The following ABRAXAS1 variants were observed in gnomAD, a reference collection of about 807,000 sequenced individuals.
ABRAXAS1 encodes BRCA1-A complex subunit Abraxas 1.
A neutral mutation model predicts 38.4 loss-of-function variants in ABRAXAS1; 26 were observed. The ratio of observed to expected loss-of-function variants is 0.68; its 90% confidence interval spans 0.50 to 0.94. The LOEUF (loss-of-function observed/expected upper bound fraction) is 0.94. ABRAXAS1 is among the 40% of genes least tolerant of loss of function. The probability of loss-of-function intolerance (pLI) is 0.00; values close to 1 mark genes in which losing one functional copy is unlikely to be tolerated. For missense variants in ABRAXAS1, 438 were observed against 481.9 expected (o/e 0.91, Z 0.85); for synonymous variants, 144 against 165.5 (o/e 0.87, Z 1.00).
chr4:83,484,853 A>T, intron 1 of ABRAXAS1, 133 bp downstream of exon 1: 5 of 673,910 alleles, frequency 7.4e-6, no homozygotes, highest in Non-Finnish European at 1.2e-5. Flanking sequence ...GAGAGAAGGC[A>T]GAGCCGCGAC....
Position 83,468,759 on chromosome 4 carries a change from C to G in ABRAXAS1, c.596+273G>C, listed in dbSNP as rs146996601. Among the ~76,000 whole-genome samples, 300 of 152,152 alleles carry G rather than the reference C, an allele frequency of 2.0e-3. 3 individuals are homozygous for G. Among genetic ancestry groups the G allele is most frequent in the Middle Eastern group, 0.014 (4 of 294 alleles). ...TTTGCTGTGTTGCCCAGGCTAGTCT[C>G]CAACTCCTCAGCTCAAGTGATCCTC... On this transcript the variant is annotated intron_variant, in intron 6 of 8. Transcript: ENST00000321945.
At chr4:83,480,195 C>T (rs1247313467) in intron 2 of ABRAXAS1, 7 of 239,330 alleles carry the variant, frequency 2.9e-5, no homozygotes, top group Non-Finnish European at 6.0e-5. Context: ...ATGGTGAAAC[C>T]CCATCTCTAC....
chr4:83,484,937 C>T (rs1194681520), intron 1 of ABRAXAS1, 49 bp downstream of exon 1: 1 of 1,474,812 alleles, frequency 6.8e-7, no homozygotes, highest in Non-Finnish European at 9.2e-7. Context: ...AGGCCGCGCG[C>T]AGGGCTCTTC....
chr4:83,479,130 T>C (rs1408881103), intron 2 of ABRAXAS1: 1 of 152,188 alleles, frequency 6.6e-6, no homozygotes, highest in Non-Finnish European at 1.5e-5. Context: ...GGGCCGGGCA[T>C]GGTGACTCAC....
chr4:83,472,769 G>A (rs986017190), intron 3 of ABRAXAS1, among the ~76,000 whole-genome samples: 2 of 152,192 alleles, frequency 1.3e-5, no homozygotes, highest in African/African-American at 4.8e-5. Flanking sequence ...TGGGGTGGGG[G>A]AAGGGAATAG....
chr4:83,484,724 A>C, intron 1 of ABRAXAS1: 7 of 335,162 alleles, frequency 2.1e-5, no homozygotes, highest in Non-Finnish European at 2.2e-5. Context: ...GCGCCGAGGA[A>C]AGATGGGAGC....
Position 83,462,842 on chromosome 4 carries a change from G to C in ABRAXAS1, c.857C>G (p.Thr286Ser), listed in dbSNP as rs1185342056. 1.2e-6 allele frequency: 2 copies of C among 1,610,296 alleles called. No homozygotes were observed. ...AAGAAATTCAGAATTTGGAAAAAAGGTCCGTAATGCCTGACAAAGAAAAAT... is the reference window on the plus strand; with the variant it reads ...AAGAAATTCAGAATTTGGAAAAAAGCTCCGTAATGCCTGACAAAGAAAAAT... ...ENIFLCQALR[T>S]FFPNSEFLHS... Residue 286 changes from threonine (T) to serine (S), a missense_variant, in exon 9 of 9, where the codon ACC becomes AGC. Around this residue, in one of 3 missense-constraint regions of ABRAXAS1, gnomAD observed 184 missense variants for 181.9 expected, o/e 1.01. Coordinates refer to ENST00000321945, the MANE Select transcript of ABRAXAS1 (RefSeq NM_139076.3).
Position 83,472,273 on chromosome 4 carries a change from T to A in ABRAXAS1, c.231A>T (p.Ser77=). The change falls in exon 4 of 9, where the codon TCA becomes TCT. Residue 77 remains serine, a synonymous_variant. Coordinates refer to ENST00000321945, the MANE Select transcript of ABRAXAS1 (RefSeq NM_139076.3). The stretch of plus-strand genomic sequence containing the variant: ...TCAGTGCTTGCTCATTTACTTCGCC[T>A]GAAGAATTATAAAAGCTGTAAAAGC... ...CYQLFSFYNS[S]GEVNEQALKK... is the part of the protein sequence containing the mutation. The A allele has an allele frequency of 6.6e-7, 1 of 1,520,480 alleles. No homozygotes were observed. The highest frequency in any genetic ancestry group is 8.8e-7 in the Non-Finnish European group (1 of 1,133,458). 94.2% of individuals were successfully genotyped at this position (1,520,480 alleles called of 1,614,324 possible).
chr4:83,477,562 G>T, intron 2 of ABRAXAS1: 2 of 479,972 alleles, frequency 4.2e-6, no homozygotes, highest in South Asian at 3.3e-5. Context: ...TGTCTCGTCT[G>T]AACTGGAAAC....
chr4:83,472,246 C>T lies in ABRAXAS1; in HGVS notation c.258G>A (p.Lys86=). 6.5e-7 allele frequency: 1 copy of T among 1,531,148 alleles called. No homozygotes were observed. Among genetic ancestry groups the T allele is most frequent in the South Asian group, 1.3e-5 (1 of 78,062 alleles). The allele number at this position is 1,531,148 out of a possible 1,614,324, so 94.8% of individuals were successfully genotyped here. ...CCTTTTTGACATTTGATAATATTTTCTTCAGTGCTTGCTCATTTACTTCGC... is the reference window on the plus strand; with the variant it reads ...CCTTTTTGACATTTGATAATATTTTTTTCAGTGCTTGCTCATTTACTTCGC... ...SSGEVNEQAL[K]KILSNVKKNV... is the part of the protein sequence containing the mutation. Residue 86 remains lysine, a synonymous_variant, in exon 4 of 9, where the codon AAG becomes AAA. Coordinates refer to ENST00000321945, the MANE Select transcript of ABRAXAS1 (RefSeq NM_139076.3).
In ABRAXAS1 at chr4:83,461,299, T is replaced by C; in HGVS notation, c.*1170A>G. On this transcript the variant is annotated 3_prime_UTR_variant, in exon 9 of 9. Coordinates refer to ENST00000321945, the MANE Select transcript of ABRAXAS1 (RefSeq NM_139076.3). ...TTTGGATAGAAAAGTGTTTGAGGAGTGAGGTAAAGAATGACACTTCCCCTT... is the reference window on the plus strand; with the variant it reads ...TTTGGATAGAAAAGTGTTTGAGGAGCGAGGTAAAGAATGACACTTCCCCTT... The C allele has an allele frequency of 1.8e-5, 18 of 977,628 alleles. No homozygotes were observed. The South Asian group carries it at 2.3e-4, about 12-fold the overall frequency. The allele number at this position is 977,628 out of a possible 1,614,324, so 60.6% of individuals were successfully genotyped here.
At chr4:83,484,941 G>A (rs768869959) in intron 1 of ABRAXAS1, 45 bp downstream of exon 1, 2 of 1,498,804 alleles carry the variant, frequency 1.3e-6, no homozygotes, top group Non-Finnish European at 1.8e-6. Flanking sequence ...CGCGCGCAGG[G>A]CTCTTCCCAG....
Position 83,463,464 on chromosome 4 carries a change from A to C in ABRAXAS1, c.796+30T>G, listed in dbSNP as rs748002786. 7.6e-6 allele frequency: 11 copies of C among 1,449,464 alleles called. No individual in the cohort carries two copies. The East Asian group carries it at 1.8e-4, about 24-fold the overall frequency. The allele number at this position is 1,449,464 out of a possible 1,614,324, so 89.8% of individuals were successfully genotyped here. ...AAATAAATAAATAAAAATTTTTAGC[A>C]CAGAAAGTAGAGATGTGTTGTTTAC... On this transcript the variant is annotated intron_variant, in intron 8 of 8. Transcript: ENST00000321945.
chr4:83,473,019 T>G (rs1391630576), intron 3 of ABRAXAS1, among the ~76,000 whole-genome samples: 1 of 152,140 alleles, frequency 6.6e-6, no homozygotes, highest in Non-Finnish European at 1.5e-5. Flanking sequence ...TGGCTCATAC[T>G]TGTAATCCCA....
In ABRAXAS1 at chr4:83,459,673, A is replaced by C; in HGVS notation, c.*2796T>G. On this transcript the variant is annotated 3_prime_UTR_variant, in exon 9 of 9. Coordinates refer to ENST00000321945, the MANE Select transcript of ABRAXAS1 (RefSeq NM_139076.3). ...TATATAACCTGAAGGTTGTTTTTTG[A>C]AATTTACACATTCAGAAATAAATAA... 6.9e-7 allele frequency: 1 copy of C among 1,440,254 alleles called. No individual in the cohort carries two copies. Among genetic ancestry groups the C allele is most frequent in the Non-Finnish European group, 9.6e-7 (1 of 1,041,044 alleles). 89.2% of individuals were successfully genotyped at this position (1,440,254 alleles called of 1,614,324 possible).
intron 2 of ABRAXAS1, chr4:83,477,618 T>G (rs998965596): frequency 1.0e-5 from 5 of 502,176 alleles, no homozygotes; most frequent in African/African-American, 7.8e-5. Context: ...AGTTTGGAAC[T>G]TTCCCCATGG....
chr4:83,485,007 G>C lies in ABRAXAS1; in HGVS notation c.66C>G (p.His22Gln), dbSNP rs746963729. 1.9e-6 allele frequency: 3 copies of C among 1,594,146 alleles called. No homozygotes were observed. The highest frequency in any genetic ancestry group is 2.2e-5 in the South Asian group (2 of 88,964). Residue 22 changes from histidine to glutamine, a missense_variant, in exon 1 of 9, where the codon CAC becomes CAG. Around this residue, in one of 3 missense-constraint regions of ABRAXAS1, gnomAD observed 60 missense variants for 31.1 expected, o/e 1.93. Coordinates refer to ENST00000321945, the MANE Select transcript of ABRAXAS1 (RefSeq NM_139076.3). ...GFVLGALAFQ[H>Q]LNTDSDTEGF... ...TCACCGTGTCCGAGTCCGTGTTGAG[G>C]TGCTGGAAAGCGAGTGCGCCGAGCA...
chr4:83,476,925 G>T (rs574335723), intron 2 of ABRAXAS1, among the ~76,000 whole-genome samples: 4 of 152,102 alleles, frequency 2.6e-5, no homozygotes, highest in African/African-American at 2.4e-5. Context: ...CCAGAGCCTC[G>T]CCTGGAACCA....
In ABRAXAS1 at chr4:83,463,602, A is replaced by G. The variant is rs968394207; in HGVS notation, c.688T>C (p.Cys230Arg). 4.4e-6 allele frequency: 7 copies of G among 1,595,970 alleles called. No individual in the cohort carries two copies. In the African/African-American group the frequency reaches 8.1e-5, roughly 18 times the overall value. ...TGTTCACTGTCTTCCACTTTTTTGCATATACTCTGCAAAATAAAGTAATTT... is the reference window on the plus strand; with the variant it reads ...TGTTCACTGTCTTCCACTTTTTTGCGTATACTCTGCAAAATAAAGTAATTT... ...ASLQEELKSICKKVEDSEQAV... is the reference protein window; with the variant it reads ...ASLQEELKSIRKKVEDSEQAV... Residue 230 changes from cysteine (C) to arginine (R), a missense_variant, in exon 8 of 9, where the codon TGC becomes CGC. This residue lies in a region of ABRAXAS1 where 194 missense variants were observed against 269.0 expected (regional missense o/e 0.72). Coordinates refer to ENST00000321945, the MANE Select transcript of ABRAXAS1 (RefSeq NM_139076.3).
Sources: gnomAD v4.1 joint callset for allele counts (sites outside exome capture counted in the v4.1 genomes callset) on GRCh38, gnomAD v4.1.1 for gene constraint, gnomAD v4.1.1 regional missense constraint, MANE v1.5 for transcripts, NCBI Gene and HGNC (gene_info 2026-07-23, HGNC 2026-07-21) for gene names.